Variants in RYR2 observed in about 807,000 individuals in gnomAD.
RYR2 encodes the protein ryanodine receptor 2.
In RYR2, 227 loss-of-function variants were observed where a neutral mutation model predicts 601.1. The ratio of observed to expected loss-of-function variants is 0.38; its 90% CI spans 0.34 to 0.42. The LOEUF (loss-of-function observed/expected upper bound fraction) is 0.42, where lower values mean the gene tolerates loss of function less well. Ranked by LOEUF, RYR2 falls within the 10% of genes least tolerant of loss-of-function variation. The pLI is 1.00. For synonymous variants in RYR2, 2,223 were observed against 2,175.1 expected (o/e 1.02, Z -0.61); for missense variants, 4,646 against 6,156.5 (o/e 0.75, Z 8.21).
At chr1:237,808,875 C>T (rs1449976960) in intron 99 of RYR2, 26 bp from the exon 100 acceptor site, 1 of 1,612,108 alleles carries the variant, frequency 6.2e-7, no homozygotes, top group African/African-American at 1.3e-5. Flanking sequence ...TTTCTAATAC[C>T]TGGTCCTTGT....
intron 51 of RYR2, 66 bp downstream of exon 51, chr1:237,651,567 C>A: frequency 2.0e-6 from 2 of 1,005,436 alleles, no homozygotes; most frequent in Non-Finnish European, 3.0e-6. Flanking sequence ...TCTATGACAA[C>A]ATATACATTT....
At chr1:237,296,694 A>G (rs1253929602) in intron 2 of RYR2, among the ~76,000 whole-genome samples, 1 of 152,152 alleles carries the variant, frequency 6.6e-6, no homozygotes, top group Non-Finnish European at 1.5e-5. Flanking sequence ...GGGTTATATT[A>G]TGGTATTTAA....
chr1:237,312,709 G>A (rs1694699879), intron 2 of RYR2, among the ~76,000 whole-genome samples: 1 of 152,128 alleles, frequency 6.6e-6, no homozygotes, highest in African/African-American at 2.4e-5. Context: ...CAAATAAAGA[G>A]CTTAGATGAG....
rs531575278 is a variant in RYR2 at position 237,470,848 on chromosome 1, G to C, written c.1708+1661G>C. Among the ~76,000 whole-genome samples, 4 of 152,122 alleles carry C rather than the reference G, an allele frequency of 2.6e-5. No individual in the cohort carries two copies. In the East Asian group the frequency reaches 7.8e-4, roughly 29 times the overall value. ...AGAACAGCTGTCTCAAAGAGAGAGAGGGAGAGATAGGGAAAGAGAGAGGAA... is the reference window on the plus strand; with the variant it reads ...AGAACAGCTGTCTCAAAGAGAGAGACGGAGAGATAGGGAAAGAGAGAGGAA... On this transcript the variant is annotated intron_variant, in intron 17 of 104. Transcript: ENST00000366574.
intron 2 of RYR2, among the ~76,000 whole-genome samples, chr1:237,323,771 A>T (rs536907923): frequency 1.4e-4 from 22 of 152,150 alleles, no homozygotes; most frequent in Non-Finnish European, 2.6e-4. Context: ...TCTCACCTGG[A>T]CCTTTCTATT....
intron 24 of RYR2, among the ~76,000 whole-genome samples, chr1:237,526,464 A>G (rs956651410): frequency 5.3e-5 from 8 of 151,832 alleles, no homozygotes; most frequent in Admixed American, 5.2e-4. Flanking sequence ...TTTCTGCCTC[A>G]GCCTTTAGAG....
In RYR2 at chr1:237,546,997, T is replaced by TATATATATA. The variant is rs58050661; in HGVS notation, c.2907-1434_2907-1433insATATATATA. 4.7e-3 allele frequency among the ~76,000 whole-genome samples: 392 copies of TATATATATA among 83,110 alleles called. 1 individual carries two copies. The highest frequency in any genetic ancestry group is 0.021 in the East Asian group (47 of 2,254). 54.5% of individuals were successfully genotyped at this position (83,110 alleles called of 152,430 possible). ...AAAGCATATATATATATATATATATTTATTTATTTATTTATTTATTTATTT... is the reference window on the plus strand; with the variant it reads ...AAAGCATATATATATATATATATATTATATATATATATTTATTTATTTATTTATTTATTT... On this transcript the variant is annotated intron_variant, in intron 25 of 104. Coordinates refer to ENST00000366574, the MANE Select transcript of RYR2 (RefSeq NM_001035.3).
intron 1 of RYR2, among the ~76,000 whole-genome samples, chr1:237,146,060 G>A (rs993390824): frequency 6.6e-6 from 1 of 152,220 alleles, no homozygotes; most frequent in African/African-American, 2.4e-5. Context: ...GATATTGACT[G>A]CAGAGGGACT....
intron 16 of RYR2, among the ~76,000 whole-genome samples, chr1:237,460,539 A>G (rs1659358070): frequency 6.6e-6 from 1 of 152,206 alleles, no homozygotes. Flanking sequence ...GAATGCTTTT[A>G]TTCACTACCT....
rs137946612 is a variant in RYR2 at position 237,750,828 on chromosome 1, A to C, written c.11146-5460A>C. On this transcript the variant is annotated intron_variant, in intron 80 of 104. Coordinates refer to ENST00000366574, the MANE Select transcript of RYR2 (RefSeq NM_001035.3). ...CCAAGTATCTGGAAGAATTGAAGAA[A>C]TACATATGTACCACCTTTCCAGATG... 2.9e-4 allele frequency among the ~76,000 whole-genome samples: 44 copies of C among 152,322 alleles called. 1 individual carries two copies. In the Middle Eastern group the frequency reaches 0.017, roughly 59 times the overall value.
chr1:237,727,266 G>A (rs1329222798), intron 76 of RYR2, 67 bp downstream of exon 76: 1 of 716,294 alleles, frequency 1.4e-6, no homozygotes, highest in Non-Finnish European at 2.3e-6. Flanking sequence ...CAGGTGTTTA[G>A]AATCTACCTT....
At chr1:237,572,673 T>A (rs910711023) in intron 29 of RYR2, among the ~76,000 whole-genome samples, 1 of 152,194 alleles carries the variant, frequency 6.6e-6, no homozygotes, top group Non-Finnish European at 1.5e-5. Context: ...TATTAGAGGT[T>A]TTGGGAGGAC....
chr1:237,604,779 G>A (rs1676916604), intron 35 of RYR2, among the ~76,000 whole-genome samples: 1 of 152,082 alleles, frequency 6.6e-6, no homozygotes, highest in South Asian at 2.1e-4. Flanking sequence ...TACCATCAGA[G>A]AATACTATAA....
In RYR2 at chr1:237,090,033, G is replaced by A. The variant is rs1000928996; in HGVS notation, c.48+47464G>A. Among the ~76,000 whole-genome samples the A allele has an allele frequency of 7.9e-5, 12 of 152,156 alleles. No homozygotes were observed. In the South Asian group the frequency reaches 1.0e-3, roughly 13 times the overall value. On this transcript the variant is annotated intron_variant, in intron 1 of 104. Coordinates refer to ENST00000366574, the MANE Select transcript of RYR2 (RefSeq NM_001035.3). ...GCAGAAGGCACCTCTTCACAGGGCGGCAGGAGAGAGAATGAGTGCTGAGTG... is the reference window on the plus strand; with the variant it reads ...GCAGAAGGCACCTCTTCACAGGGCGACAGGAGAGAGAATGAGTGCTGAGTG...
At chr1:237,538,394 CAAAAAAAA>C (rs10551995) in intron 25 of RYR2, among the ~76,000 whole-genome samples, 2 of 32,896 alleles carry the variant, frequency 6.1e-5, no homozygotes, top group African/African-American at 2.7e-4. Context: ...GACTCTGTCT[CAAAAAAAA>C]AAAAAAAAAA....
chr1:237,250,935 G>A (rs1480980511), intron 1 of RYR2, among the ~76,000 whole-genome samples: 3 of 152,060 alleles, frequency 2.0e-5, no homozygotes, highest in Non-Finnish European at 2.9e-5. Context: ...TGTTAGCAGA[G>A]GGATCTTCCC....
At chr1:237,688,512 A>G (rs930390584) in intron 63 of RYR2, among the ~76,000 whole-genome samples, 1 of 152,054 alleles carries the variant, frequency 6.6e-6, no homozygotes, top group Admixed American at 6.6e-5. Context: ...TTATTGCTAT[A>G]TTTGGTTTCT....
chr1:237,199,272 C>T (rs900591240), intron 1 of RYR2, among the ~76,000 whole-genome samples: 2 of 152,162 alleles, frequency 1.3e-5, no homozygotes, highest in Non-Finnish European at 2.9e-5. Flanking sequence ...CACAATAGGC[C>T]ATCTGCAAGC....
intron 1 of RYR2, among the ~76,000 whole-genome samples, chr1:237,044,337 G>A (rs909951207): frequency 6.6e-6 from 1 of 152,174 alleles, no homozygotes; most frequent in Non-Finnish European, 1.5e-5. Context: ...CATTTTGGTA[G>A]GCTTCATGCA....
Sources: gnomAD v4.1 joint callset for allele counts (sites outside exome capture counted in the v4.1 genomes callset) on GRCh38, gnomAD v4.1.1 for gene constraint, MANE v1.5 for transcripts, NCBI Gene and HGNC (gene_info 2026-07-23, HGNC 2026-07-21) for gene names.